The following CPLX4 variants were observed in gnomAD, a reference collection of about 807,000 sequenced individuals.
The protein encoded by CPLX4 is complexin-4.
Under a neutral mutation model 16.1 loss-of-function variants are expected in CPLX4, and 17 were observed. The observed-to-expected ratio is 1.06, with a 90% CI of 0.72 to 1.59. The LOEUF is 1.59. CPLX4 is among the 40% of genes most tolerant of loss of function. The probability of loss-of-function intolerance (pLI) is 0.00; values close to 1 mark genes in which losing one functional copy is unlikely to be tolerated. For synonymous variants in CPLX4, 55 were observed against 57.8 expected (o/e 0.95, Z 0.22); for missense variants, 193 against 192.9 (o/e 1.00, Z 0.00).
chr18:59,302,816 A>C (rs1484461342), intron 2 of CPLX4, among the ~76,000 whole-genome samples: 1 of 152,178 alleles, frequency 6.6e-6, no homozygotes, highest in African/African-American at 2.4e-5. Flanking sequence ...AAATTATCTT[A>C]GATGGTTATG....
chr18:59,314,143 A>G (rs2070636759), intron 1 of CPLX4, among the ~76,000 whole-genome samples: 1 of 152,190 alleles, frequency 6.6e-6, no homozygotes, highest in Admixed American at 6.5e-5. Flanking sequence ...TGGAACGGGC[A>G]TGAGAGAACA....
chr18:59,306,647 C>G (rs1452810275), intron 2 of CPLX4, among the ~76,000 whole-genome samples: 2 of 152,172 alleles, frequency 1.3e-5, no homozygotes. Context: ...GAGGAAACAC[C>G]AGCCAAATAA....
intron 2 of CPLX4, among the ~76,000 whole-genome samples, chr18:59,306,385 A>G (rs2070577017): frequency 6.6e-6 from 1 of 152,254 alleles, no homozygotes; most frequent in South Asian, 2.1e-4. Context: ...ATAGATACAT[A>G]TACATATACA....
At chr18:59,304,758 G>A (rs957227193) in intron 2 of CPLX4, among the ~76,000 whole-genome samples, 16 of 152,150 alleles carry the variant, frequency 1.1e-4, no homozygotes, top group Non-Finnish European at 2.2e-4. Context: ...TTTTAGTAGA[G>A]ACGGGGTTTC....
intron 1 of CPLX4, among the ~76,000 whole-genome samples, chr18:59,314,658 G>A (rs1033277750): frequency 1.3e-5 from 2 of 152,038 alleles, no homozygotes; most frequent in Non-Finnish European, 2.9e-5. Context: ...CCCCATTCCT[G>A]ATCAAGGCCT....
intron 2 of CPLX4, among the ~76,000 whole-genome samples, chr18:59,310,121 AT>A (rs2070606917): frequency 6.6e-6 from 1 of 152,272 alleles, no homozygotes; most frequent in South Asian, 2.1e-4. Context: ...TGCATTATGC[AT>A]TTGAAACAGC....
At chr18:59,299,768 C>T (rs1180925913) in intron 2 of CPLX4, among the ~76,000 whole-genome samples, 1 of 152,178 alleles carries the variant, frequency 6.6e-6, no homozygotes, top group East Asian at 1.9e-4. Context: ...AAGTAGTTCT[C>T]AAAGTGGGTT....
intron 2 of CPLX4, among the ~76,000 whole-genome samples, chr18:59,307,222 A>G: frequency 6.6e-6 from 1 of 152,196 alleles, no homozygotes; most frequent in African/African-American, 2.4e-5. Flanking sequence ...ACGTCCCTAC[A>G]TTTACATGAT....
intron 2 of CPLX4, among the ~76,000 whole-genome samples, chr18:59,300,933 C>A (rs1249020461): frequency 2.6e-5 from 4 of 152,206 alleles, no homozygotes. Flanking sequence ...AGCTACCTAG[C>A]CAGCCCTAGC....
At chr18:59,301,084 C>T (rs1325740171) in intron 2 of CPLX4, among the ~76,000 whole-genome samples, 1 of 152,184 alleles carries the variant, frequency 6.6e-6, no homozygotes, top group Non-Finnish European at 1.5e-5. Flanking sequence ...GGCCTTAGGA[C>T]CTTGGGTGCA....
chr18:59,306,024 A>G (rs1297291925), intron 2 of CPLX4, among the ~76,000 whole-genome samples: 1 of 152,176 alleles, frequency 6.6e-6, no homozygotes, highest in Non-Finnish European at 1.5e-5. Context: ...AATTAAGGGA[A>G]CCACTTACTG....
Position 59,296,698 on chromosome 18 carries a change from T to G in CPLX4, c.483A>C (p.Ter161CysextTer42). The G allele has an allele frequency of 3.4e-6, 3 of 892,252 alleles. No homozygotes were observed. Among genetic ancestry groups the G allele is most frequent in the African/African-American group, 1.7e-5 (1 of 60,024 alleles). 55.3% of individuals were successfully genotyped at this position (892,252 alleles called of 1,614,324 possible). ...QTAEQKCSVM[*>C] ...TCCCTCCCTCCACCCCTCCCACCCCTCACATCACGGAACACTTCTGCTCCG... is the reference window on the plus strand; with the variant it reads ...TCCCTCCCTCCACCCCTCCCACCCCGCACATCACGGAACACTTCTGCTCCG... The change falls in exon 3 of 3, where the codon TGA (stop) becomes TGC (cysteine). Residue 161 changes from the stop codon to cysteine (C), a stop_lost. Transcript: ENST00000299721.
intron 2 of CPLX4, among the ~76,000 whole-genome samples, chr18:59,311,636 G>C (rs1197392385): frequency 6.6e-6 from 1 of 152,162 alleles, no homozygotes; most frequent in Non-Finnish European, 1.5e-5. Context: ...TTCTTTAAGG[G>C]ATGGCGCATC....
Position 59,296,659 on chromosome 18 carries a change from C to T in CPLX4, c.*39G>A, listed in dbSNP as rs778993856. On this transcript the variant is annotated 3_prime_UTR_variant, in exon 3 of 3. Transcript: ENST00000299721. ...CGTCCCACAAGAGAGTGGTCTTTTC[C>T]AAGGATGGCTGGTTCCCTCCCTCCA... The T allele has an allele frequency of 1.2e-6, 2 of 1,605,916 alleles. No homozygotes were observed. Among genetic ancestry groups the T allele is most frequent in the African/African-American group, 2.7e-5 (2 of 74,556 alleles).
intron 2 of CPLX4, among the ~76,000 whole-genome samples, chr18:59,304,395 C>T (rs62094049): frequency 0.13 from 20,168 of 152,154 alleles, 1,529 homozygotes; most frequent in Non-Finnish European, 0.17. Flanking sequence ...AAACATATTG[C>T]TTCCTCTACT....
chr18:59,298,403 G>C (rs2070517547), intron 2 of CPLX4, among the ~76,000 whole-genome samples: 1 of 152,168 alleles, frequency 6.6e-6, no homozygotes, highest in Non-Finnish European at 1.5e-5. Context: ...TGTAACATGA[G>C]GTGACCTGGG....
intron 2 of CPLX4, among the ~76,000 whole-genome samples, chr18:59,305,850 C>T (rs1004760707): frequency 6.6e-6 from 1 of 152,146 alleles, no homozygotes; most frequent in African/African-American, 2.4e-5. Context: ...AGGGGGCACC[C>T]CGGAATATCC....
intron 1 of CPLX4, among the ~76,000 whole-genome samples, chr18:59,313,964 T>C (rs62094050): frequency 0.14 from 21,864 of 152,212 alleles, 1,795 homozygotes; most frequent in Non-Finnish European, 0.19. Flanking sequence ...CATTTTCAGG[T>C]GAAAACTGGT....
chr18:59,312,649 A>G (rs1395193984), intron 2 of CPLX4, 36 bp downstream of exon 2: 1 of 864,896 alleles, frequency 1.2e-6, no homozygotes, highest in Non-Finnish European at 2.0e-6. Flanking sequence ...TTTATCATTA[A>G]TTAAGAAATG....
Sources: gnomAD v4.1 joint callset for allele counts (sites outside exome capture counted in the v4.1 genomes callset) on GRCh38, gnomAD v4.1.1 for gene constraint, MANE v1.5 for transcripts, NCBI Gene and HGNC (gene_info 2026-07-23, HGNC 2026-07-21) for gene names.